Variants in VAV2 observed in about 807,000 individuals in gnomAD.
VAV2 encodes the protein guanine nucleotide exchange factor VAV2.
In VAV2, 67 loss-of-function variants were observed where a neutral mutation model predicts 132.5. The ratio of observed to expected loss-of-function variants is 0.51; its 90% CI spans 0.42 to 0.62. VAV2 has a LOEUF of 0.62. Among genes scored for constraint, VAV2 ranks in the 20% least tolerant of loss-of-function variants. The probability of loss-of-function intolerance (pLI) is 0.00; values close to 1 mark genes in which losing one functional copy is unlikely to be tolerated. For missense variants in VAV2, 938 were observed against 1,153.6 expected (o/e 0.81, Z 2.71); for synonymous variants, 492 against 443.5 (o/e 1.11, Z -1.37).
rs1833952816 is a variant in VAV2 at position 133,780,047 on chromosome 9, G to T, written c.1741-108C>A. 4 of 1,492,682 alleles carry T rather than the reference G, an allele frequency of 2.7e-6. No individual in the cohort carries two copies. The African/African-American group carries it at 5.5e-5, about 21-fold the overall frequency. The allele number at this position is 1,492,682 out of a possible 1,614,324, so 92.5% of individuals were successfully genotyped here. A position where few individuals can be genotyped will look rare whatever the true frequency, so the allele number is the denominator to read the frequency against. On this transcript the variant is annotated intron_variant, in intron 20 of 29. Coordinates refer to ENST00000371850, the MANE Select transcript of VAV2 (RefSeq NM_001134398.2). ...CTGTCCCCACTAGTTCCTAGATAGA[G>T]GGGTCAAGGCAGGAGCAGGGGAGGA...
chr9:133,948,533 G>A (rs778892336), intron 1 of VAV2, among the ~76,000 whole-genome samples: 3 of 152,044 alleles, frequency 2.0e-5, no homozygotes, highest in Non-Finnish European at 4.4e-5. Flanking sequence ...GGCGGCCCGC[G>A]TGCCCTCAGG....
chr9:133,944,778 G>A (rs914470593), intron 1 of VAV2, among the ~76,000 whole-genome samples: 1 of 152,252 alleles, frequency 6.6e-6, no homozygotes, highest in Non-Finnish European at 1.5e-5. Context: ...CTGTCTCAGG[G>A]GCTGACTCCT....
In VAV2 at chr9:133,883,858, C is replaced by T. The variant is rs114360500; in HGVS notation, c.322-22426G>A. On this transcript the variant is annotated intron_variant, in intron 2 of 29. Coordinates refer to ENST00000371850, the MANE Select transcript of VAV2 (RefSeq NM_001134398.2). This position sits in a 1 kb window ranked among gnomAD's most constrained non-coding sequence, Gnocchi z 4.2. The stretch of plus-strand genomic sequence containing the variant: ...TTGCTTAAATTGATTCTAGTAGGCC[C>T]GGTGTGGTGGCTTATACCTGTAATC... Among the ~76,000 whole-genome samples the T allele has an allele frequency of 5.7e-3, 866 of 152,216 alleles. 8 individuals are homozygous for T. The highest frequency in any genetic ancestry group is 0.02 in the African/African-American group (810 of 41,530).
rs1321493519 is a variant in VAV2, at chr9:133,797,741, G to T, written c.905C>A (p.Ala302Asp). The T allele has an allele frequency of 6.2e-7, 1 of 1,613,976 alleles. No homozygotes were observed. The highest frequency in any genetic ancestry group is 1.3e-5 in the African/African-American group (1 of 74,940). ...HAQNTLNQLL[A>D]SREDFRQKVE... ...TTTCTGCCTGAAGTCCTCCCGGCTG[G>T]CCAGGAGCTGGTTCAGTGTGTTCTG... Residue 302 changes from alanine (A) to aspartate (D), a missense_variant, in exon 10 of 30, where the codon GCC becomes GAC. Transcript: ENST00000371850.
chr9:133,770,598 G>C, intron 26 of VAV2, 97 bp from the exon 27 acceptor site: 1 of 1,544,882 alleles, frequency 6.5e-7, no homozygotes. Flanking sequence ...GTTCATGTGG[G>C]GGAGACTAGC....
At chr9:133,822,616 A>G (rs1260132557) in intron 4 of VAV2, among the ~76,000 whole-genome samples, 1 of 152,096 alleles carries the variant, frequency 6.6e-6, no homozygotes, top group Non-Finnish European at 1.5e-5. Flanking sequence ...CAGGGCTCAG[A>G]GAGGGCATGA....
chr9:133,911,152 G>T (rs947875427), intron 2 of VAV2, among the ~76,000 whole-genome samples: 2 of 152,212 alleles, frequency 1.3e-5, no homozygotes, highest in African/African-American at 4.8e-5. Context: ...GTATTCACGC[G>T]TGCACTGGGG....
chr9:133,858,260 C>T (rs1250081495), intron 3 of VAV2, among the ~76,000 whole-genome samples: 1 of 152,196 alleles, frequency 6.6e-6, no homozygotes, highest in East Asian at 1.9e-4. Context: ...GTGGCCTCTG[C>T]AGGCGCTGGG....
intron 2 of VAV2, among the ~76,000 whole-genome samples, chr9:133,917,943 C>G (rs1840159431): frequency 6.6e-6 from 1 of 151,886 alleles, no homozygotes; most frequent in Non-Finnish European, 1.5e-5. Flanking sequence ...AATCCCCAGC[C>G]CCCTAAGCCC....
chr9:133,880,636 G>A (rs1241931265), intron 2 of VAV2, among the ~76,000 whole-genome samples: 6 of 152,164 alleles, frequency 3.9e-5, no homozygotes, highest in Non-Finnish European at 8.8e-5. Context: ...AGGACATAAA[G>A]GGGAAACTGA....
rs1212950537 is a variant in VAV2 at position 133,794,258 on chromosome 9, G to A, written c.1101+1410C>T. ...AGGTGTTGGAGAGGGGCGGCTTGGGGGCTGCAGAGCTGACACCGAGAAAGT... is the reference window on the plus strand; with the variant it reads ...AGGTGTTGGAGAGGGGCGGCTTGGGAGCTGCAGAGCTGACACCGAGAAAGT... On this transcript the variant is annotated intron_variant, in intron 12 of 29. Coordinates refer to ENST00000371850, the MANE Select transcript of VAV2 (RefSeq NM_001134398.2). This position sits in a 1 kb window ranked among gnomAD's most constrained non-coding sequence, Gnocchi z 4.6. 6.6e-6 allele frequency among the ~76,000 whole-genome samples: 1 copy of A among 152,088 alleles called. No individual in the cohort carries two copies. Among genetic ancestry groups the A allele is most frequent in the African/African-American group, 2.4e-5 (1 of 41,414 alleles).
rs1410511843 is a variant in VAV2, at chr9:133,969,678, G to A, written c.204+22397C>T. ...ATCGCACTGCTCAAGCCTGACCCCA[G>A]AGCACCCTCTTCATCACCCAAGTCC... On this transcript the variant is annotated intron_variant, in intron 1 of 29. Coordinates refer to ENST00000371850, the MANE Select transcript of VAV2 (RefSeq NM_001134398.2). This position sits in a 1 kb window ranked among gnomAD's most constrained non-coding sequence, Gnocchi z 5.1. Among the ~76,000 whole-genome samples the A allele has an allele frequency of 1.3e-5, 2 of 152,056 alleles. No individual in the cohort carries two copies. Among genetic ancestry groups the A allele is most frequent in the Non-Finnish European group, 2.9e-5 (2 of 68,000 alleles).
chr9:133,924,580 C>T (rs1324569130), intron 2 of VAV2, among the ~76,000 whole-genome samples: 1 of 152,242 alleles, frequency 6.6e-6, no homozygotes, highest in Non-Finnish European at 1.5e-5. Context: ...CACTAAGTCA[C>T]CTACACTGCA....
At chr9:133,792,816 G>A (rs2131625982) in intron 12 of VAV2, among the ~76,000 whole-genome samples, 1 of 151,800 alleles carries the variant, frequency 6.6e-6, no homozygotes, top group South Asian at 2.1e-4. Context: ...GGAAACTGAG[G>A]CAGGAAAGGG....
chr9:133,820,373 A>G (rs7034680), intron 4 of VAV2, among the ~76,000 whole-genome samples: 33,510 of 148,262 alleles, frequency 0.23, 5,059 homozygotes, highest in African/African-American at 0.42. Flanking sequence ...GCCCAGGCTG[A>G]AGTGCAGTGG....
At chr9:133,984,946 T>A (rs1183880321) in intron 1 of VAV2, among the ~76,000 whole-genome samples, 1 of 152,024 alleles carries the variant, frequency 6.6e-6, no homozygotes, top group Non-Finnish European at 1.5e-5. Context: ...AAATATATTA[T>A]TATAATCAGT....
intron 2 of VAV2, among the ~76,000 whole-genome samples, chr9:133,870,105 T>C (rs1363976832): frequency 6.6e-6 from 1 of 152,050 alleles, no homozygotes; most frequent in Admixed American, 6.6e-5. Flanking sequence ...TTACAAAACA[T>C]GTGCAATCAC....
chr9:133,936,151 T>A (rs1244777151), intron 2 of VAV2, among the ~76,000 whole-genome samples: 2 of 151,906 alleles, frequency 1.3e-5, no homozygotes, highest in African/African-American at 2.4e-5. Flanking sequence ...CACCCTGGGA[T>A]GGCAGGGCTG....
rs534916090 is a variant in VAV2 at position 133,804,865 on chromosome 9, C to T, written c.836+1216G>A. On this transcript the variant is annotated intron_variant, in intron 9 of 29. Coordinates refer to ENST00000371850, the MANE Select transcript of VAV2 (RefSeq NM_001134398.2). The surrounding 1 kb of genome is among the most constrained non-coding windows in gnomAD (Gnocchi z 4.5). ...CAGTGTGCTCACACCTGCTGGGCCT[C>T]GTCAGCTCTCCTGGTCCCCTCTGCC... Among the ~76,000 whole-genome samples the T allele has an allele frequency of 2.4e-4, 36 of 152,290 alleles. No homozygotes were observed. Among genetic ancestry groups the T allele is most frequent in the African/African-American group, 8.2e-4 (34 of 41,560 alleles).
Sources: gnomAD v4.1 joint callset for allele counts (sites outside exome capture counted in the v4.1 genomes callset) on GRCh38, gnomAD v4.1.1 for gene constraint, Gnocchi (gnomAD v3.1) non-coding constraint, MANE v1.5 for transcripts, NCBI Gene and HGNC (gene_info 2026-07-23, HGNC 2026-07-21) for gene names.